The following PARVA variants were observed in gnomAD, a reference collection of about 807,000 sequenced individuals.
The protein encoded by PARVA is alpha-parvin.
PARVA carries 25 observed loss-of-function variants against 52.6 expected under a neutral mutation model. The ratio of observed to expected loss-of-function variants is 0.48; its 90% CI spans 0.35 to 0.66. PARVA has a LOEUF of 0.66. PARVA is among the 30% of genes least tolerant of loss of function. The pLI is 0.01. For synonymous variants in PARVA, 185 were observed against 179.1 expected (o/e 1.03, Z -0.26); for missense variants, 373 against 450.9 (o/e 0.83, Z 1.56).
intron 1 of PARVA, among the ~76,000 whole-genome samples, chr11:12,427,310 T>C (rs1445030471): frequency 6.6e-6 from 1 of 152,264 alleles, no homozygotes; most frequent in African/African-American, 2.4e-5. Context: ...TAAAATCTGA[T>C]ATGCAGTCTC....
At chr11:12,464,063 A>AT (rs1940820939) in intron 1 of PARVA, among the ~76,000 whole-genome samples, 1 of 145,008 alleles carries the variant, frequency 6.9e-6, no homozygotes, top group Non-Finnish European at 1.5e-5. Flanking sequence ...AGAATCAGCC[A>AT]TTTTTCCAAG....
Position 12,521,217 on chromosome 11 carries a change from C to T in PARVA, c.1042+2700C>T, listed in dbSNP as rs369758982. Among the ~76,000 whole-genome samples the T allele has an allele frequency of 4.9e-4, 75 of 152,262 alleles. 1 individual carries two copies. In the South Asian group the frequency reaches 0.015, roughly 31 times the overall value. On this transcript the variant is annotated intron_variant, in intron 12 of 12. Transcript: ENST00000334956. ...TGGCAAGCAATGCTGAAAAACCAAG[C>T]AGGTTATGGCAGCTTAGTTCCAGGT...
intron 1 of PARVA, among the ~76,000 whole-genome samples, chr11:12,439,984 C>T (rs1187452726): frequency 1.3e-5 from 2 of 152,068 alleles, no homozygotes; most frequent in Non-Finnish European, 1.5e-5. Flanking sequence ...CTTTCTCTTA[C>T]AACCTGTCAC....
At chr11:12,411,933 C>A (rs566121252) in intron 1 of PARVA, among the ~76,000 whole-genome samples, 1 of 152,282 alleles carries the variant, frequency 6.6e-6, no homozygotes, top group South Asian at 2.1e-4. Context: ...CTCAGCATTC[C>A]CCTAATAGGT....
intron 1 of PARVA, among the ~76,000 whole-genome samples, chr11:12,464,034 A>ATATT (rs1166096902): frequency 7.4e-6 from 1 of 136,024 alleles, no homozygotes; most frequent in African/African-American, 2.8e-5. Context: ...CTTATCTCAT[A>ATATT]TATTTTCTCT....
chr11:12,442,074 T>A (rs756181794), intron 1 of PARVA, among the ~76,000 whole-genome samples: 20 of 152,330 alleles, frequency 1.3e-4, no homozygotes, highest in South Asian at 4.1e-4. Flanking sequence ...ATCCAAACTT[T>A]ACTTGATGCG....
chr11:12,410,313 A>G (rs1939975337), intron 1 of PARVA, among the ~76,000 whole-genome samples: 1 of 152,190 alleles, frequency 6.6e-6, no homozygotes, highest in Admixed American at 6.5e-5. Flanking sequence ...TCCTCCAGGA[A>G]CACCCCTGCC....
At chr11:12,438,196 CT>C (rs968128410) in intron 1 of PARVA, among the ~76,000 whole-genome samples, 1 of 149,942 alleles carries the variant, frequency 6.7e-6, no homozygotes, top group African/African-American at 2.5e-5. Context: ...GGAGGCGGAG[CT>C]TACAGTGAGC....
chr11:12,381,116 G>T (rs1939479254), intron 1 of PARVA, among the ~76,000 whole-genome samples: 1 of 152,212 alleles, frequency 6.6e-6, no homozygotes, highest in Non-Finnish European at 1.5e-5. Context: ...TGGTATTTCT[G>T]CAAGCCCAGG....
chr11:12,411,302 A>G (rs1429163109), intron 1 of PARVA, among the ~76,000 whole-genome samples: 6 of 152,218 alleles, frequency 3.9e-5, no homozygotes, highest in African/African-American at 7.2e-5. Context: ...TAGATTTACA[A>G]GAAATTGTGG....
At chr11:12,527,764 GT>G in intron 12 of PARVA, 84 bp from the exon 13 acceptor site, 1 of 992,456 alleles carries the variant, frequency 1.0e-6, no homozygotes, top group Non-Finnish European at 1.6e-6. Flanking sequence ...GGATTGGGTG[GT>G]GGGTGGAAGG....
intron 1 of PARVA, among the ~76,000 whole-genome samples, chr11:12,460,598 C>G (rs1263974998): frequency 1.3e-5 from 2 of 152,148 alleles, no homozygotes; most frequent in Non-Finnish European, 2.9e-5. Flanking sequence ...GCAAATCGAT[C>G]CAACCAGAAC....
intron 6 of PARVA, 134 bp downstream of exon 6, chr11:12,504,563 G>A (rs1316016263): frequency 3.1e-6 from 2 of 635,126 alleles, no homozygotes; most frequent in East Asian, 5.5e-5. Context: ...AGTATATTGG[G>A]AGGCACTGAA....
intron 1 of PARVA, among the ~76,000 whole-genome samples, chr11:12,427,389 G>C (rs1218174979): frequency 2.0e-5 from 3 of 152,186 alleles, no homozygotes; most frequent in Non-Finnish European, 4.4e-5. Context: ...AGTCTGACCA[G>C]TCTTCATGAC....
chr11:12,408,973 A>G (rs1278498110), intron 1 of PARVA, among the ~76,000 whole-genome samples: 1 of 152,124 alleles, frequency 6.6e-6, no homozygotes, highest in African/African-American at 2.4e-5. Flanking sequence ...AGTTCAAGGA[A>G]CCAAAAGGAG....
chr11:12,495,590 A>G (rs527567017), intron 4 of PARVA, among the ~76,000 whole-genome samples: 1 of 151,220 alleles, frequency 6.6e-6, no homozygotes, highest in South Asian at 2.1e-4. Flanking sequence ...ATATGAATTT[A>G]GATTAACAAA....
At chr11:12,435,859 C>T (rs887246119) in intron 1 of PARVA, among the ~76,000 whole-genome samples, 7 of 152,060 alleles carry the variant, frequency 4.6e-5, no homozygotes, top group African/African-American at 1.7e-4. Flanking sequence ...GCTTTGTCGC[C>T]CAGGCTGGAG....
At position 12,473,722 on chromosome 11, in the gene PARVA, C is replaced by A. The variant is rs1218051117; in HGVS notation, c.137-23C>A. ...CTGCCGTCCGTCAGCTGAAATGTGA[C>A]CCTGCTCTTCCTTTTCTTCCAGTGT... On this transcript the variant is annotated intron_variant, in intron 1 of 12. Coordinates refer to ENST00000334956, the MANE Select transcript of PARVA (RefSeq NM_018222.5). 9 of 1,535,852 alleles carry A rather than the reference C, an allele frequency of 5.9e-6. No homozygotes were observed. In the South Asian group the frequency reaches 6.0e-5, roughly 10 times the overall value.
chr11:12,504,424 G>A lies in PARVA; in HGVS notation c.652G>A (p.Val218Ile). 7 of 1,600,768 alleles carry A rather than the reference G, an allele frequency of 4.4e-6. No individual in the cohort carries two copies. The highest frequency in any genetic ancestry group is 6.0e-6 in the Non-Finnish European group (7 of 1,168,046). The change falls in exon 6 of 13, where the codon GTC becomes ATC. Residue 218 changes from valine (V) to isoleucine (I), a missense_variant. Transcript: ENST00000334956. ...CCATGTTTCCATCCAAGTGGTTGTG[G>A]TCCAGGTAAGACAGGTAACACTACA... ...PDHVSIQVVV[V>I]QKREGILQSR... is the part of the protein sequence containing the mutation.
Sources: gnomAD v4.1 joint callset for allele counts (sites outside exome capture counted in the v4.1 genomes callset) on GRCh38, gnomAD v4.1.1 for gene constraint, MANE v1.5 for transcripts, NCBI Gene and HGNC (gene_info 2026-07-23, HGNC 2026-07-21) for gene names.